The following CTNNA3 variants were observed in gnomAD, a reference collection of about 807,000 sequenced individuals.
The protein encoded by CTNNA3 is catenin alpha-3.
Under a neutral mutation model 95.7 loss-of-function variants are expected in CTNNA3, and 76 were observed. The observed-to-expected ratio is 0.79, with a 90% CI of 0.66 to 0.96. The LOEUF (loss-of-function observed/expected upper bound fraction) is 0.96. Ranked by LOEUF, CTNNA3 falls within the 40% of genes least tolerant of loss-of-function variation. The pLI is 0.00. For synonymous variants in CTNNA3, 431 were observed against 374.4 expected (o/e 1.15, Z -1.74); for missense variants, 1,191 against 1,089.8 (o/e 1.09, Z -1.31).
chr10:66,109,864 T>C (rs1276707903), intron 13 of CTNNA3, among the ~76,000 whole-genome samples: 2 of 108,718 alleles, frequency 1.8e-5, no homozygotes, highest in Non-Finnish European at 3.5e-5. Context: ...AAACTTAAAG[T>C]ACAAAAAAAA....
intron 7 of CTNNA3, among the ~76,000 whole-genome samples, chr10:67,140,816 T>C (rs911190221): frequency 6.6e-6 from 1 of 152,144 alleles, no homozygotes; most frequent in African/African-American, 2.4e-5. Flanking sequence ...CTTTTCCTGG[T>C]GAGAGAGGGC....
intron 15 of CTNNA3, among the ~76,000 whole-genome samples, chr10:66,028,781 G>T (rs1378362035): frequency 6.6e-6 from 1 of 151,968 alleles, no homozygotes; most frequent in East Asian, 1.9e-4. Context: ...GGGAAGCAGA[G>T]ATTACTCAAA....
chr10:66,425,883 G>C (rs995180141), intron 11 of CTNNA3, among the ~76,000 whole-genome samples: 5 of 151,954 alleles, frequency 3.3e-5, no homozygotes, highest in African/African-American at 1.2e-4. Context: ...AAGCTCCTTC[G>C]TTCCCCATAC....
chr10:66,089,467 C>CT (rs976066430), intron 14 of CTNNA3, among the ~76,000 whole-genome samples: 1 of 150,472 alleles, frequency 6.6e-6, no homozygotes, highest in Non-Finnish European at 1.5e-5. Flanking sequence ...TTCCTTGTGC[C>CT]TTTTTTTCTA....
At chr10:67,711,508 C>T (rs1273353021) in intron 1 of CTNNA3, among the ~76,000 whole-genome samples, 1 of 152,098 alleles carries the variant, frequency 6.6e-6, no homozygotes, top group Non-Finnish European at 1.5e-5. Context: ...TTTGCCCCTT[C>T]CCTAAAGATG....
At chr10:66,727,161 C>T (rs1848807191) in intron 9 of CTNNA3, among the ~76,000 whole-genome samples, 1 of 151,996 alleles carries the variant, frequency 6.6e-6, no homozygotes, top group South Asian at 2.1e-4. Flanking sequence ...TAAATAACCA[C>T]TTGGAAGAAT....
intron 6 of CTNNA3, among the ~76,000 whole-genome samples, chr10:67,203,856 C>A (rs1432206898): frequency 1.3e-5 from 2 of 152,256 alleles, no homozygotes; most frequent in Middle Eastern, 3.4e-3. Flanking sequence ...TATCTTCTCA[C>A]CTGTTGCAGA....
intron 1 of CTNNA3, among the ~76,000 whole-genome samples, chr10:67,759,581 A>G (rs1841451507): frequency 6.6e-6 from 1 of 152,224 alleles, no homozygotes; most frequent in Admixed American, 6.5e-5. Context: ...GATGTCCCCA[A>G]GATTCCCACC....
chr10:66,773,616 C>T lies in CTNNA3; in HGVS notation c.1128+1828G>A, dbSNP rs114228393. Among the ~76,000 whole-genome samples, 1,472 of 152,280 alleles carry T rather than the reference C, an allele frequency of 9.7e-3. 28 individuals carry two copies. Among genetic ancestry groups the T allele is most frequent in the African/African-American group, 0.033 (1,384 of 41,546 alleles). On this transcript the variant is annotated intron_variant, in intron 8 of 17. Coordinates refer to ENST00000433211, the MANE Select transcript of CTNNA3 (RefSeq NM_013266.4). ...ACGGTACAGAAAATGGCCCCGCTGACGCCCAGCCAACCCAAGACATCGTGA... is the reference window on the plus strand; with the variant it reads ...ACGGTACAGAAAATGGCCCCGCTGATGCCCAGCCAACCCAAGACATCGTGA...
At chr10:66,559,444 T>G (rs547437614) in intron 10 of CTNNA3, among the ~76,000 whole-genome samples, 12 of 151,730 alleles carry the variant, frequency 7.9e-5, no homozygotes, top group African/African-American at 2.7e-4. Context: ...GCAGCTTTTT[T>G]AAATTGTATC....
intron 7 of CTNNA3, among the ~76,000 whole-genome samples, chr10:67,022,864 G>C (rs375895984): frequency 1.3e-5 from 2 of 152,196 alleles, no homozygotes; most frequent in African/African-American, 4.8e-5. Flanking sequence ...CTTGAACCCG[G>C]GTGGCGGAGG....
intron 7 of CTNNA3, among the ~76,000 whole-genome samples, chr10:66,912,196 T>C (rs964216837): frequency 5.9e-5 from 9 of 152,126 alleles, no homozygotes; most frequent in Non-Finnish European, 1.0e-4. Context: ...TTCCTAGAGT[T>C]GTAAACACAC....
intron 9 of CTNNA3, among the ~76,000 whole-genome samples, chr10:66,678,600 A>G (rs1564613093): frequency 1.3e-5 from 2 of 152,210 alleles, no homozygotes; most frequent in African/African-American, 2.4e-5. Flanking sequence ...GAAGGGTCAC[A>G]TAAGACTTCT....
chr10:66,544,890 G>A (rs1589403110), intron 10 of CTNNA3, among the ~76,000 whole-genome samples: 1 of 151,942 alleles, frequency 6.6e-6, no homozygotes. Flanking sequence ...ATAAACCAAC[G>A]GTGTTCTCTG....
At chr10:66,980,484 A>T (rs1850356839) in intron 7 of CTNNA3, among the ~76,000 whole-genome samples, 1 of 130,714 alleles carries the variant, frequency 7.7e-6, no homozygotes, top group East Asian at 1.9e-4. Flanking sequence ...ATTGAACAGG[A>T]ACCAAAACTA....
chr10:67,463,887 C>T (rs993679630), intron 5 of CTNNA3, among the ~76,000 whole-genome samples: 4 of 152,152 alleles, frequency 2.6e-5, no homozygotes, highest in African/African-American at 9.7e-5. Context: ...GGCTGATAGG[C>T]TGTCAATTGC....
At chr10:66,190,478 T>C (rs1167277061) in intron 13 of CTNNA3, among the ~76,000 whole-genome samples, 1 of 152,150 alleles carries the variant, frequency 6.6e-6, no homozygotes, top group Admixed American at 6.6e-5. Context: ...GGAAGCCTTA[T>C]GGTCTGAGTG....
At chr10:66,032,305 C>A (rs1010602076) in intron 15 of CTNNA3, among the ~76,000 whole-genome samples, 1 of 151,700 alleles carries the variant, frequency 6.6e-6, no homozygotes, top group Non-Finnish European at 1.5e-5. Context: ...GTGAAAAAAC[C>A]CTTTGATTAA....
At chr10:67,571,917 G>A (rs1308705185) in intron 3 of CTNNA3, among the ~76,000 whole-genome samples, 1 of 152,142 alleles carries the variant, frequency 6.6e-6, no homozygotes, top group Non-Finnish European at 1.5e-5. Flanking sequence ...TTTAAATTAT[G>A]AGTATGTGAA....
Sources: allele counts gnomAD v4.1 joint callset (sites outside exome capture counted in the v4.1 genomes callset), GRCh38; gene constraint gnomAD v4.1.1; transcripts MANE v1.5; gene names NCBI Gene and HGNC (gene_info 2026-07-23, HGNC 2026-07-21).